MELK: variants seen among roughly 807,000 people sequenced by gnomAD.
The protein encoded by MELK is pEg3 kinase.
MELK carries 81 observed loss-of-function variants against 85.0 expected under a neutral mutation model. The ratio of observed to expected loss-of-function variants is 0.95; its 90% CI spans 0.80 to 1.15. The LOEUF (loss-of-function observed/expected upper bound fraction) is 1.15. Ranked by LOEUF, MELK falls within the 50% of genes most tolerant of loss-of-function variation. MELK has a pLI of 0.00. For missense variants in MELK, 754 were observed against 777.5 expected (o/e 0.97, Z 0.36); for synonymous variants, 252 against 265.0 (o/e 0.95, Z 0.48).
intron 4 of MELK, among the ~76,000 whole-genome samples, chr9:36,591,058 C>T (rs576009969): frequency 6.6e-6 from 1 of 152,296 alleles, no homozygotes; most frequent in African/African-American, 2.4e-5. Context: ...TGGCACTGTA[C>T]TCCAGCCTGG....
In MELK at chr9:36,581,628, A is replaced by G; in HGVS notation, c.-38-16A>G. The G allele has an allele frequency of 8.1e-7, 1 of 1,231,726 alleles. No individual in the cohort carries two copies. The highest frequency in any genetic ancestry group is 1.2e-6 in the Non-Finnish European group (1 of 839,896). The allele number at this position is 1,231,726 out of a possible 1,614,324, so 76.3% of individuals were successfully genotyped here. On this transcript the variant is annotated splice_polypyrimidine_tract_variant and intron_variant, in intron 1 of 17. Transcript: ENST00000298048. ...GTATTATTTCCTTTATTGATTATGTACTCTCTGTCTTCTAGGTTCTTTTTC... is the reference window on the plus strand; with the variant it reads ...GTATTATTTCCTTTATTGATTATGTGCTCTCTGTCTTCTAGGTTCTTTTTC...
intron 10 of MELK, among the ~76,000 whole-genome samples, chr9:36,640,350 G>T (rs1482586647): frequency 6.6e-6 from 1 of 152,212 alleles, no homozygotes; most frequent in Non-Finnish European, 1.5e-5. Flanking sequence ...CCACTTTCTG[G>T]TTCATAGAAT....
In MELK at chr9:36,677,396, C is replaced by T; in HGVS notation, c.*59C>T. ...GGGTGTGATACAGCCTACATAAAGACTGTTATGATCGCTTTGATTTTAAAG... is the reference window on the plus strand; with the variant it reads ...GGGTGTGATACAGCCTACATAAAGATTGTTATGATCGCTTTGATTTTAAAG... On this transcript the variant is annotated 3_prime_UTR_variant, in exon 18 of 18. Coordinates refer to ENST00000298048, the MANE Select transcript of MELK (RefSeq NM_014791.4). 1 of 1,423,988 alleles carries T rather than the reference C, an allele frequency of 7.0e-7. No homozygotes were observed. Among genetic ancestry groups the T allele is most frequent in the Non-Finnish European group, 9.3e-7 (1 of 1,069,830 alleles). 88.2% of individuals were successfully genotyped at this position (1,423,988 alleles called of 1,614,324 possible).
chr9:36,658,074 C>T (rs1282486319), intron 13 of MELK, among the ~76,000 whole-genome samples: 1 of 151,546 alleles, frequency 6.6e-6, no homozygotes, highest in African/African-American at 2.4e-5. Context: ...TGGCTAACTT[C>T]CCCTCCCAAC....
At chr9:36,617,834 T>C (rs1372270975) in intron 8 of MELK, among the ~76,000 whole-genome samples, 1 of 152,190 alleles carries the variant, frequency 6.6e-6, no homozygotes, top group Non-Finnish European at 1.5e-5. Flanking sequence ...ATTTTAAAGA[T>C]CTAATTGTAG....
intron 8 of MELK, among the ~76,000 whole-genome samples, chr9:36,616,020 C>T (rs1826720315): frequency 6.6e-6 from 1 of 151,322 alleles, no homozygotes; most frequent in Non-Finnish European, 1.5e-5. Context: ...TCCTTGCCCT[C>T]GGGCCCCGCG....
At chr9:36,619,629 A>C (rs1827202241) in intron 8 of MELK, among the ~76,000 whole-genome samples, 1 of 152,244 alleles carries the variant, frequency 6.6e-6, no homozygotes, top group African/African-American at 2.4e-5. Flanking sequence ...AAATGGAATG[A>C]TAAAGTTTTC....
chr9:36,644,233 GTGTGT>G (rs1830028950), intron 11 of MELK, among the ~76,000 whole-genome samples: 1 of 151,584 alleles, frequency 6.6e-6, no homozygotes, highest in Non-Finnish European at 1.5e-5. Flanking sequence ...GTGTGTGTGT[GTGTGT>G]GTGTGTGTGT....
chr9:36,583,486 A>G (rs1205106017), intron 2 of MELK, 141 bp from the exon 3 acceptor site: 4 of 440,658 alleles, frequency 9.1e-6, no homozygotes, highest in Non-Finnish European at 1.6e-5. Context: ...TAGACATTGG[A>G]TAACAAGCAG....
At chr9:36,587,242 CAAG>C (rs1248411764) in intron 3 of MELK, among the ~76,000 whole-genome samples, 1 of 152,042 alleles carries the variant, frequency 6.6e-6, no homozygotes, top group Non-Finnish European at 1.5e-5. Context: ...GATTCTTTGT[CAAG>C]ACATGATATC....
chr9:36,613,421 C>T (rs1333193535), intron 8 of MELK, among the ~76,000 whole-genome samples: 3 of 152,194 alleles, frequency 2.0e-5, no homozygotes, highest in African/African-American at 7.2e-5. Context: ...GTGAATAAAA[C>T]AGATGAAAGA....
intron 11 of MELK, among the ~76,000 whole-genome samples, chr9:36,648,271 G>C (rs542967049): frequency 6.6e-6 from 1 of 152,302 alleles, no homozygotes; most frequent in Admixed American, 6.5e-5. Context: ...TGGTATAAGT[G>C]GTAGTTGTCA....
At chr9:36,664,775 A>T (rs576764752) in intron 13 of MELK, among the ~76,000 whole-genome samples, 2 of 152,276 alleles carry the variant, frequency 1.3e-5, no homozygotes, top group East Asian at 3.9e-4. Context: ...CTGTAGAAAC[A>T]CATGCTATAG....
chr9:36,624,871 G>T (rs1226018165), intron 8 of MELK, among the ~76,000 whole-genome samples: 2 of 152,104 alleles, frequency 1.3e-5, no homozygotes, highest in Non-Finnish European at 2.9e-5. Flanking sequence ...CCTGTTATTT[G>T]TGTGTTGGAG....
Position 36,575,205 on chromosome 9 carries a change from G to A in MELK, c.-39+2198G>A, listed in dbSNP as rs1168276030. Among the ~76,000 whole-genome samples, 3 of 152,166 alleles carry A rather than the reference G, an allele frequency of 2.0e-5. No individual in the cohort carries two copies. In the East Asian group the frequency reaches 5.8e-4, roughly 29 times the overall value. On this transcript the variant is annotated intron_variant, in intron 1 of 17. Coordinates refer to ENST00000298048, the MANE Select transcript of MELK (RefSeq NM_014791.4). ...TCTATTTATTTAGTCAAGCCCAGAA[G>A]GGCACTCAGGTGTCTGATTGGGGTC...
intron 17 of MELK, among the ~76,000 whole-genome samples, chr9:36,676,768 T>C (rs568362560): frequency 1.1e-4 from 17 of 152,222 alleles, no homozygotes; most frequent in Non-Finnish European, 2.1e-4. Context: ...ACATGAAATA[T>C]TATCTTTCTT....
At chr9:36,659,213 A>G (rs917218144) in intron 13 of MELK, among the ~76,000 whole-genome samples, 2 of 151,112 alleles carry the variant, frequency 1.3e-5, no homozygotes, top group Non-Finnish European at 2.9e-5. Flanking sequence ...ATGGGGTTTC[A>G]CCATATTGGC....
intron 9 of MELK, among the ~76,000 whole-genome samples, chr9:36,631,638 T>C (rs1828635257): frequency 6.6e-6 from 1 of 152,100 alleles, no homozygotes; most frequent in African/African-American, 2.4e-5. Flanking sequence ...TGCAGTCATA[T>C]GATCTTGGCC....
chr9:36,592,177 T>G (rs1212923779), intron 4 of MELK, among the ~76,000 whole-genome samples: 1 of 146,172 alleles, frequency 6.8e-6, no homozygotes, highest in South Asian at 2.2e-4. Context: ...CTTTTCTTTT[T>G]TTTTTTTTTT....
Sources: gnomAD v4.1 joint callset for allele counts (sites outside exome capture counted in the v4.1 genomes callset) on GRCh38, gnomAD v4.1.1 for gene constraint, MANE v1.5 for transcripts, NCBI Gene and HGNC (gene_info 2026-07-23, HGNC 2026-07-21) for gene names.